CASK: variants seen among roughly 807,000 people sequenced by gnomAD.
The protein encoded by CASK is peripheral plasma membrane protein CASK.
A neutral mutation model predicts 82.9 loss-of-function variants in CASK; 4 were observed. That is an observed-to-expected ratio of 0.05 (90% CI 0.02 to 0.11). The LOEUF (loss-of-function observed/expected upper bound fraction) is 0.11. Ranked by LOEUF, CASK falls within the 10% of genes least tolerant of loss-of-function variation. The pLI is 1.00. For missense variants in CASK, 358 were observed against 720.9 expected (o/e 0.50, Z 5.76); for synonymous variants, 259 against 253.5 (o/e 1.02, Z -0.20).
At chrX:41,792,765 C>G (rs1007506311) in intron 2 of CASK, among the ~76,000 whole-genome samples, 2 of 111,718 alleles carry the variant, frequency 1.8e-5, no homozygotes, top group Non-Finnish European at 3.8e-5. Flanking sequence ...TATAATCATA[C>G]TAAAATTAAT....
In CASK at chrX:41,518,089, C is replaced by T; in HGVS notation, c.*2331G>A. The T allele has an allele frequency of 4.1e-6, 1 of 243,174 alleles. No homozygotes were observed. The highest frequency in any genetic ancestry group is 7.4e-6 in the Non-Finnish European group (1 of 135,892). The allele number at this position is 243,174 out of a possible 1,213,427, so 20.0% of individuals were successfully genotyped here. A position where few individuals can be genotyped will look rare whatever the true frequency, so the allele number is the denominator to read the frequency against. Reference sequence around the variant, plus strand: ...GCCACAGACATTTAAGTTGGCATTGCTTTTCTCCTCCTCTGCTTAATCCAC... The same window carrying T: ...GCCACAGACATTTAAGTTGGCATTGTTTTTCTCCTCCTCTGCTTAATCCAC... On this transcript the variant is annotated 3_prime_UTR_variant, in exon 27 of 27. Transcript: ENST00000378163.
intron 2 of CASK, among the ~76,000 whole-genome samples, chrX:41,832,447 C>T (rs139292943): frequency 1.1e-4 from 12 of 112,423 alleles, no homozygotes; most frequent in Admixed American, 1.9e-4. Flanking sequence ...TAGATGTGAA[C>T]GCTGAGAAAC....
At chrX:41,646,102 C>T (rs981774020) in intron 8 of CASK, among the ~76,000 whole-genome samples, 1 of 111,510 alleles carries the variant, frequency 9.0e-6, no homozygotes, top group Non-Finnish European at 1.9e-5. Flanking sequence ...GTCTAGGCTG[C>T]TTATCTTCCG....
intron 1 of CASK, among the ~76,000 whole-genome samples, chrX:41,873,456 G>A (rs1017973712): frequency 9.0e-6 from 1 of 111,547 alleles, no homozygotes; most frequent in African/African-American, 3.3e-5. Context: ...CATCTGTTGT[G>A]CAATTCATTG....
At chrX:41,844,671 T>G (rs888018743) in intron 2 of CASK, among the ~76,000 whole-genome samples, 7 of 111,852 alleles carry the variant, frequency 6.3e-5, no homozygotes, top group Non-Finnish European at 1.3e-4. Context: ...TTTTATTGAC[T>G]TCTTCCATTG....
chrX:41,520,650 A>G, intron 26 of CASK, 54 bp from the exon 27 acceptor site: 1 of 990,590 alleles, frequency 1.0e-6, no homozygotes, highest in Non-Finnish European at 1.4e-6. Context: ...GGAAAAGCAA[A>G]CAGAAGAGAG....
At chrX:41,592,613 CA>C (rs1371565237) in intron 12 of CASK, among the ~76,000 whole-genome samples, 14 of 111,187 alleles carry the variant, frequency 1.3e-4, no homozygotes, top group Non-Finnish European at 2.4e-4. Flanking sequence ...TCCAGACCTA[CA>C]ACATCAGAAT....
At chrX:41,768,035 C>A (rs758119428) in intron 3 of CASK, among the ~76,000 whole-genome samples, 13 of 111,449 alleles carry the variant, frequency 1.2e-4, no homozygotes, top group Admixed American at 1.9e-4. Context: ...CTAATTATTT[C>A]TTTATATCAC....
intron 5 of CASK, among the ~76,000 whole-genome samples, chrX:41,701,093 CAGGA>C (rs1033507587): frequency 4.6e-5 from 5 of 109,711 alleles, no homozygotes; most frequent in African/African-American, 1.7e-4. Context: ...CAAAAAGCAT[CAGGA>C]AGGAAGGGAT....
intron 7 of CASK, 83 bp downstream of exon 7, chrX:41,665,194 C>CA: frequency 1.2e-6 from 1 of 839,465 alleles, no homozygotes; most frequent in East Asian, 3.4e-5. Flanking sequence ...AATTAGTGGG[C>CA]AAAGACAGAC....
chrX:41,900,057 T>G (rs944797089), intron 1 of CASK, among the ~76,000 whole-genome samples: 12 of 109,832 alleles, frequency 1.1e-4, no homozygotes, highest in Admixed American at 3.9e-4. Flanking sequence ...GTTTTTTTTT[T>G]TTTTCTTTCA....
intron 1 of CASK, among the ~76,000 whole-genome samples, chrX:41,888,089 G>A (rs1046238029): frequency 2.7e-5 from 3 of 111,531 alleles, no homozygotes; most frequent in Non-Finnish European, 5.7e-5. Context: ...GCCTTCTGAA[G>A]TTTTAGGCTA....
In CASK at chrX:41,887,296, CCACACACACACACACACA is replaced by C. The variant is rs3055225; in HGVS notation, c.60-34087_60-34070del. On this transcript the variant is annotated intron_variant, in intron 1 of 26. Coordinates refer to ENST00000378163, the MANE Select transcript of CASK (RefSeq NM_001367721.1). Reference sequence around the variant, plus strand: ...TATCTTTCTTTTAGGCTAGTTGAGTCCACACACACACACACACACACACACACACACACACACACACAC... The same window carrying C: ...TATCTTTCTTTTAGGCTAGTTGAGTCCACACACACACACACACACACACAC... Among the ~76,000 whole-genome samples the C allele has an allele frequency of 3.0e-4, 25 of 83,506 alleles. No individual in the cohort carries two copies. The Middle Eastern group carries it at 0.018, about 61-fold the overall frequency. 72.5% of individuals were successfully genotyped at this position (83,506 alleles called of 115,157 possible). A position where few individuals can be genotyped will look rare whatever the true frequency, so the allele number is the denominator to read the frequency against.
At chrX:41,678,312 T>C (rs2067301367) in intron 5 of CASK, among the ~76,000 whole-genome samples, 1 of 111,361 alleles carries the variant, frequency 9.0e-6, no homozygotes, top group Non-Finnish European at 1.9e-5. Context: ...TGCTTTTTTT[T>C]TTCCAATGTT....
At chrX:41,540,005 C>T (rs961007148) in intron 22 of CASK, among the ~76,000 whole-genome samples, 1 of 111,930 alleles carries the variant, frequency 8.9e-6, no homozygotes, top group Non-Finnish European at 1.9e-5. Flanking sequence ...ACAAATAGGC[C>T]TAAACACAAA....
chrX:41,563,356 C>CAAAA (rs746081703), intron 16 of CASK, among the ~76,000 whole-genome samples: 18 of 14,880 alleles, frequency 1.2e-3, no homozygotes, highest in African/African-American at 1.7e-3. Context: ...GACCCTGTCT[C>CAAAA]AAAAAAAAAA....
intron 8 of CASK, among the ~76,000 whole-genome samples, chrX:41,652,356 T>G (rs756020312): frequency 4.5e-5 from 5 of 111,961 alleles, no homozygotes; most frequent in Non-Finnish European, 9.4e-5. Flanking sequence ...CAAAACTAGA[T>G]GAGCTCTCCA....
chrX:41,914,984 T>C lies in CASK; in HGVS notation c.59+7946A>G, dbSNP rs2072647034. On this transcript the variant is annotated intron_variant, in intron 1 of 26. Coordinates refer to ENST00000378163, the MANE Select transcript of CASK (RefSeq NM_001367721.1). The stretch of plus-strand genomic sequence containing the variant: ...TAAACATAATATTCATTTTGATAAG[T>C]GCTTTAAATTGTTTCTCTGTTATAG... Among the ~76,000 whole-genome samples, 3 of 112,021 alleles carry C rather than the reference T, an allele frequency of 2.7e-5. No individual in the cohort carries two copies. In the South Asian group the frequency reaches 1.1e-3, roughly 42 times the overall value.
chrX:41,729,749 C>CAACAA (rs2068342837), intron 5 of CASK: 1 of 14,114 alleles, frequency 7.1e-5, no homozygotes, highest in African/African-American at 2.8e-4. Flanking sequence ...GACTCTGTCT[C>CAACAA]AAAAAAAAAA....
Sources: gnomAD v4.1 joint callset for allele counts (sites outside exome capture counted in the v4.1 genomes callset) on GRCh38, gnomAD v4.1.1 for gene constraint, MANE v1.5 for transcripts, NCBI Gene and HGNC (gene_info 2026-07-23, HGNC 2026-07-21) for gene names.